Variants in ASIC2 observed in about 807,000 individuals in gnomAD.
ASIC2 encodes acid-sensing ion channel 2.
Under a neutral mutation model 57.3 loss-of-function variants are expected in ASIC2, and 25 were observed. The ratio of observed to expected loss-of-function variants is 0.44; its 90% CI spans 0.32 to 0.61. ASIC2 has a LOEUF of 0.61. Ranked by LOEUF, ASIC2 falls within the 20% of genes least tolerant of loss-of-function variation. The probability of loss-of-function intolerance (pLI) is 0.06; values close to 1 mark genes in which losing one functional copy is unlikely to be tolerated. For missense variants in ASIC2, 641 were observed against 738.1 expected, an observed-to-expected ratio of 0.87 and a Z score of 1.52; for synonymous variants, 319 against 307.5, an observed-to-expected ratio of 1.04 and a Z score of -0.39.
chr17:33,686,989 C>T (rs150797298), intron 1 of ASIC2, among the ~76,000 whole-genome samples: 12 of 152,136 alleles, frequency 7.9e-5, no homozygotes, highest in African/African-American at 2.9e-4. Flanking sequence ...ACCAAGGGAA[C>T]CTATGCGGGC....
At chr17:33,102,846 T>G (rs777802538) in intron 2 of ASIC2, among the ~76,000 whole-genome samples, 4 of 152,180 alleles carry the variant, frequency 2.6e-5, no homozygotes, top group Admixed American at 2.0e-4. Context: ...TGCAATGGCA[T>G]GATCTCGGCT....
At chr17:33,643,150 C>A (rs1458202618) in intron 1 of ASIC2, among the ~76,000 whole-genome samples, 2 of 149,138 alleles carry the variant, frequency 1.3e-5, no homozygotes, top group African/African-American at 2.4e-5. Context: ...GCTCATTTCC[C>A]CCCCCCCACA....
intron 1 of ASIC2, among the ~76,000 whole-genome samples, chr17:33,570,889 T>G (rs114787072): frequency 0.04 from 6,157 of 152,146 alleles, 150 homozygotes; most frequent in African/African-American, 0.061. Flanking sequence ...TCCAGGAGTA[T>G]AAACGCAGAT....
intron 1 of ASIC2, among the ~76,000 whole-genome samples, chr17:33,602,138 C>G (rs1007682988): frequency 2.6e-5 from 4 of 152,224 alleles, no homozygotes; most frequent in Middle Eastern, 3.4e-3. Context: ...TTTGGACTTT[C>G]GAGTTGATGC....
chr17:33,566,067 T>C (rs1347114473), intron 1 of ASIC2: 1 of 152,288 alleles, frequency 6.6e-6, no homozygotes, highest in Non-Finnish European at 1.5e-5. Flanking sequence ...AGCCTGCAGG[T>C]GCGCTAAGCC....
intron 1 of ASIC2, among the ~76,000 whole-genome samples, chr17:33,124,265 A>G (rs1416611040): frequency 6.6e-6 from 1 of 152,226 alleles, no homozygotes; most frequent in Non-Finnish European, 1.5e-5. Context: ...AGCTTACATT[A>G]TGAGTGTTCA....
At chr17:33,703,060 A>T (rs1239556125) in intron 1 of ASIC2, among the ~76,000 whole-genome samples, 2 of 152,216 alleles carry the variant, frequency 1.3e-5, no homozygotes, top group African/African-American at 4.8e-5. Context: ...AAGAGGGGAT[A>T]TGAAGAGTAC....
chr17:33,104,224 A>C (rs1232697938), intron 2 of ASIC2, among the ~76,000 whole-genome samples: 1 of 152,138 alleles, frequency 6.6e-6, no homozygotes. Context: ...TTCGATTGCC[A>C]TTTAGGTGGG....
intron 1 of ASIC2, among the ~76,000 whole-genome samples, chr17:33,879,635 G>C (rs1319091086): frequency 1.3e-5 from 2 of 152,158 alleles, no homozygotes; most frequent in African/African-American, 4.8e-5. Flanking sequence ...AAGAGACTTA[G>C]ACTCCCACAC....
At chr17:33,600,673 A>T (rs1185286675) in intron 1 of ASIC2, among the ~76,000 whole-genome samples, 2 of 152,176 alleles carry the variant, frequency 1.3e-5, no homozygotes, top group Non-Finnish European at 2.9e-5. Context: ...GTGCTAGGAT[A>T]TAAATAACTA....
chr17:33,691,642 A>G (rs1347746190), intron 1 of ASIC2, among the ~76,000 whole-genome samples: 1 of 151,076 alleles, frequency 6.6e-6, no homozygotes. Flanking sequence ...TAAATTGAAG[A>G]TTTTTTTTTC....
At chr17:33,439,137 C>T (rs912337945) in intron 1 of ASIC2, among the ~76,000 whole-genome samples, 29 of 152,296 alleles carry the variant, frequency 1.9e-4, no homozygotes, top group Admixed American at 1.6e-3. Flanking sequence ...AGCCATCACA[C>T]CCGGCCAATG....
intron 1 of ASIC2, among the ~76,000 whole-genome samples, chr17:34,008,913 C>A (rs1396108389): frequency 1.3e-5 from 2 of 152,190 alleles, no homozygotes. Context: ...GAACTGACAA[C>A]AAGGACATTT....
intron 1 of ASIC2, among the ~76,000 whole-genome samples, chr17:33,267,503 A>G (rs755203653): frequency 7.9e-5 from 12 of 152,194 alleles, no homozygotes; most frequent in Non-Finnish European, 1.6e-4. Context: ...CCTTGCATTC[A>G]TCAGTCACTG....
intron 1 of ASIC2, among the ~76,000 whole-genome samples, chr17:33,632,246 C>G (rs1906197980): frequency 6.6e-6 from 1 of 152,174 alleles, no homozygotes; most frequent in Admixed American, 6.5e-5. Flanking sequence ...GTGATAGATT[C>G]ATTGCATTTA....
At position 33,568,291 on chromosome 17, in the gene ASIC2, G is replaced by A. The variant is rs76764490; in HGVS notation, c.556-456224C>T. Among the ~76,000 whole-genome samples the A allele has an allele frequency of 1.6e-3, 248 of 152,280 alleles. 6 individuals carry two copies. The East Asian group carries it at 0.039, about 24-fold the overall frequency. ...ACCAATCAATCACCAACCATATACT[G>A]AGCACCTTTGATAATAAGCCCTTAC... is the stretch of plus-strand genomic sequence containing the variant. On this transcript the variant is annotated intron_variant, in intron 1 of 9. Transcript: ENST00000359872.
At chr17:33,881,288 G>A (rs920791329) in intron 1 of ASIC2, among the ~76,000 whole-genome samples, 16 of 152,218 alleles carry the variant, frequency 1.1e-4, no homozygotes, top group Middle Eastern at 6.8e-3. Context: ...AGGAAATAAA[G>A]GGTATTCAAT....
At chr17:34,075,183 C>T (rs376631344) in intron 1 of ASIC2, among the ~76,000 whole-genome samples, 1 of 152,142 alleles carries the variant, frequency 6.6e-6, no homozygotes, top group African/African-American at 2.4e-5. Context: ...TTCATAGGCT[C>T]GGTGAGCCTA....
At chr17:34,099,144 GACAGAGAGAGAGAGAGAGAGAAAGAA>G (rs1487711489) in intron 1 of ASIC2, among the ~76,000 whole-genome samples, 9 of 20,478 alleles carry the variant, frequency 4.4e-4, no homozygotes, top group African/African-American at 1.0e-3. Flanking sequence ...GAGAGAGAGA[GACAGAGAGAGAGAGAGAGAGAAAGAA>G]AGAAAGAAAG....
Sources: gnomAD v4.1 joint callset for allele counts (sites outside exome capture counted in the v4.1 genomes callset) on GRCh38, gnomAD v4.1.1 for gene constraint, MANE v1.5 for transcripts, NCBI Gene and HGNC (gene_info 2026-07-23, HGNC 2026-07-21) for gene names.